DLC1: variants seen among roughly 807,000 people sequenced by gnomAD.
DLC1 encodes rho GTPase-activating protein 7.
A neutral mutation model predicts 140.3 loss-of-function variants in DLC1; 54 were observed. The ratio of observed to expected loss-of-function variants is 0.38; its 90% CI spans 0.31 to 0.48. DLC1 has a LOEUF of 0.48. DLC1 is among the 20% of genes least tolerant of loss of function. The pLI is 0.96. For synonymous variants in DLC1, 986 were observed against 728.1 expected (o/e 1.35, Z -5.70); for missense variants, 2,536 against 1,907.0 (o/e 1.33, Z -6.14).
intron 5 of DLC1, among the ~76,000 whole-genome samples, chr8:13,269,580 A>C (rs1044596389): frequency 6.6e-6 from 1 of 151,528 alleles, no homozygotes; most frequent in African/African-American, 2.4e-5. Context: ...CCACAACCCT[A>C]TAGTCCTGGC....
At chr8:13,204,117 AG>A (rs1362355451) in intron 5 of DLC1, among the ~76,000 whole-genome samples, 1 of 152,198 alleles carries the variant, frequency 6.6e-6, no homozygotes, top group African/African-American at 2.4e-5. Flanking sequence ...GGGGGAAAAA[AG>A]ACTGTTCTGT....
intron 1 of DLC1, among the ~76,000 whole-genome samples, chr8:13,526,239 A>G (rs1027486592): frequency 5.3e-5 from 8 of 152,186 alleles, no homozygotes; most frequent in African/African-American, 1.9e-4. Context: ...TTTTACACCA[A>G]GTATTATAAG....
At chr8:13,460,687 C>T (rs1799617194) in intron 2 of DLC1, among the ~76,000 whole-genome samples, 1 of 152,092 alleles carries the variant, frequency 6.6e-6, no homozygotes, top group Non-Finnish European at 1.5e-5. Context: ...CAGATAGACA[C>T]TTCTGCTGAT....
At chr8:13,295,610 G>T (rs551653987) in intron 5 of DLC1, among the ~76,000 whole-genome samples, 1 of 152,254 alleles carries the variant, frequency 6.6e-6, no homozygotes, top group South Asian at 2.1e-4. Context: ...AATGTCTATG[G>T]AATCCATTGA....
chr8:13,564,647 T>C (rs1804364716), intron 1 of DLC1, among the ~76,000 whole-genome samples: 1 of 152,158 alleles, frequency 6.6e-6, no homozygotes, highest in Non-Finnish European at 1.5e-5. Context: ...TTTGCTTTTC[T>C]CCCTCCATAG....
intron 5 of DLC1, among the ~76,000 whole-genome samples, chr8:13,252,335 C>T (rs1247624815): frequency 3.9e-5 from 6 of 152,002 alleles, no homozygotes; most frequent in East Asian, 3.9e-4. Context: ...GATATAACTG[C>T]GACAAAGGGC....
chr8:13,087,832 C>G lies in DLC1; in HGVS notation c.4292+655G>C, dbSNP rs140578142. Among the ~76,000 whole-genome samples, 100 of 152,294 alleles carry G rather than the reference C, an allele frequency of 6.6e-4. 1 individual carries two copies. Among genetic ancestry groups the G allele is most frequent in the African/African-American group, 2.3e-3 (96 of 41,558 alleles). ...TGAATTACACATACATCAGCCTTAA[C>G]CACATCTCCCTTGGGACTCAAATGT... is the stretch of plus-strand genomic sequence containing the variant. On this transcript the variant is annotated intron_variant, in intron 16 of 17. Coordinates refer to ENST00000276297, the MANE Select transcript of DLC1 (RefSeq NM_182643.3).
chr8:13,506,889 C>T (rs1016052563), intron 1 of DLC1, among the ~76,000 whole-genome samples: 5 of 151,976 alleles, frequency 3.3e-5, no homozygotes, highest in African/African-American at 1.2e-4. Context: ...TAGTAAGATG[C>T]ATATGTTGGA....
intron 5 of DLC1, among the ~76,000 whole-genome samples, chr8:13,154,039 G>C (rs1824051079): frequency 6.6e-6 from 1 of 151,942 alleles, no homozygotes; most frequent in Admixed American, 6.5e-5. Flanking sequence ...CACCAGATTA[G>C]CTAGATACAG....
chr8:13,396,481 T>C (rs1401577545), intron 3 of DLC1, among the ~76,000 whole-genome samples: 6 of 152,212 alleles, frequency 3.9e-5, no homozygotes, highest in African/African-American at 1.4e-4. Context: ...TATTGCATTT[T>C]TACCTTTCAC....
chr8:13,192,229 G>A (rs1356287762), intron 5 of DLC1, among the ~76,000 whole-genome samples: 1 of 151,978 alleles, frequency 6.6e-6, no homozygotes, highest in Non-Finnish European at 1.5e-5. Context: ...GGGATTACAG[G>A]TGTGAGCCAC....
At chr8:13,579,871 T>G (rs1332116591) in intron 1 of DLC1, among the ~76,000 whole-genome samples, 1 of 151,762 alleles carries the variant, frequency 6.6e-6, no homozygotes, top group Non-Finnish European at 1.5e-5. Flanking sequence ...TTACATGTTG[T>G]ATCAGTGATT....
At chr8:13,297,298 T>TAAAAAAAAAAAAAAAAAAAAAAAAA (rs1831999414) in intron 5 of DLC1, among the ~76,000 whole-genome samples, 1 of 7,518 alleles carries the variant, frequency 1.3e-4, no homozygotes, top group South Asian at 4.5e-3. Flanking sequence ...AAAAAAAAAC[T>TAAAAAAAAAAAAAAAAAAAAAAAAA]GAAGCAAGTA....
chr8:13,462,203 C>T (rs1243732049), intron 2 of DLC1, among the ~76,000 whole-genome samples: 1 of 152,032 alleles, frequency 6.6e-6, no homozygotes, highest in Admixed American at 6.6e-5. Flanking sequence ...CAAATTCTAT[C>T]CAAACTCATT....
At chr8:13,237,859 T>G (rs1300248122) in intron 5 of DLC1, among the ~76,000 whole-genome samples, 1 of 150,622 alleles carries the variant, frequency 6.6e-6, no homozygotes, top group African/African-American at 2.4e-5. Flanking sequence ...TAACAGATCA[T>G]TTAAAAATAG....
intron 1 of DLC1, among the ~76,000 whole-genome samples, chr8:13,582,936 A>G (rs532334812): frequency 2.4e-4 from 34 of 139,526 alleles, no homozygotes; most frequent in Non-Finnish European, 2.8e-4. Flanking sequence ...TAATAGCATT[A>G]TGTCTAAAAC....
At chr8:13,096,164 C>A (rs1282701626) in intron 10 of DLC1, 5 of 152,260 alleles carry the variant, frequency 3.3e-5, no homozygotes, top group Admixed American at 2.6e-4. Context: ...TTCCTCCCTG[C>A]TCCACAGATC....
intron 2 of DLC1, among the ~76,000 whole-genome samples, chr8:13,467,310 G>T (rs540573570): frequency 6.6e-6 from 1 of 152,284 alleles, no homozygotes; most frequent in East Asian, 1.9e-4. Flanking sequence ...AAGTTGAAGA[G>T]AGACAATGAT....
intron 5 of DLC1, chr8:13,276,591 A>T (rs1453765908): frequency 7.9e-6 from 10 of 1,261,608 alleles, no homozygotes; most frequent in Non-Finnish European, 2.0e-6. Flanking sequence ...CGGCGGCCAC[A>T]TCTGGAAAGA....
Sources: allele counts gnomAD v4.1 joint callset (sites outside exome capture counted in the v4.1 genomes callset), GRCh38; gene constraint gnomAD v4.1.1; transcripts MANE v1.5; gene names NCBI Gene and HGNC (gene_info 2026-07-23, HGNC 2026-07-21).